The following ZBTB7C variants were observed in gnomAD, a reference collection of about 807,000 sequenced individuals.
The protein encoded by ZBTB7C is zinc finger and BTB domain containing 7C, also known as zinc finger and BTB domain-containing protein 7C.
In ZBTB7C, 8 loss-of-function variants were observed where a neutral mutation model predicts 25.7. That is an observed-to-expected ratio of 0.31 (90% CI 0.18 to 0.56). ZBTB7C has a LOEUF of 0.56. Among genes scored for constraint, ZBTB7C ranks in the 20% least tolerant of loss-of-function variants. ZBTB7C has a pLI of 0.91. For synonymous variants in ZBTB7C, 394 were observed against 369.0 expected (o/e 1.07, Z -0.78); for missense variants, 824 against 855.2 (o/e 0.96, Z 0.46).
chr18:48,391,943 A>C (rs2047912373), intron 1 of ZBTB7C, among the ~76,000 whole-genome samples: 1 of 152,246 alleles, frequency 6.6e-6, no homozygotes, highest in Admixed American at 6.5e-5. Context: ...ACAGCTTTTC[A>C]GTTGTCCCGG....
chr18:48,375,509 C>T (rs780142788), intron 1 of ZBTB7C: 1 of 152,196 alleles, frequency 6.6e-6, no homozygotes, highest in South Asian at 2.1e-4. Context: ...AGAGAGCCTT[C>T]GGAAGGTTGC....
intron 1 of ZBTB7C, among the ~76,000 whole-genome samples, chr18:48,369,129 A>G (rs2047325344): frequency 6.6e-6 from 1 of 152,226 alleles, no homozygotes; most frequent in Non-Finnish European, 1.5e-5. Flanking sequence ...TATGTAGAAC[A>G]AACATTTAAG....
chr18:48,241,321 T>C (rs867797433), intron 2 of ZBTB7C, among the ~76,000 whole-genome samples: 3 of 152,132 alleles, frequency 2.0e-5, no homozygotes, highest in Non-Finnish European at 2.9e-5. Context: ...AAAGAAACAA[T>C]GGACTTTAAC....
intron 3 of ZBTB7C, among the ~76,000 whole-genome samples, chr18:48,050,385 T>C (rs1197493725): frequency 6.6e-6 from 1 of 152,184 alleles, no homozygotes; most frequent in Admixed American, 6.5e-5. Context: ...TTTTAGCCTG[T>C]GCCCTGCCCG....
At chr18:48,088,638 G>A (rs1173760549) in intron 3 of ZBTB7C, among the ~76,000 whole-genome samples, 1 of 149,420 alleles carries the variant, frequency 6.7e-6, no homozygotes, top group Non-Finnish European at 1.5e-5. Flanking sequence ...GACCAGCCTG[G>A]CCAACATGGT....
chr18:48,380,564 TCATCTGA>T (rs2047613374), intron 1 of ZBTB7C, among the ~76,000 whole-genome samples: 1 of 152,170 alleles, frequency 6.6e-6, no homozygotes, highest in Non-Finnish European at 1.5e-5. Flanking sequence ...CCATGCTCTG[TCATCTGA>T]GGGGGCCTAG....
At chr18:48,186,720 G>A (rs998123859) in intron 2 of ZBTB7C, among the ~76,000 whole-genome samples, 1 of 151,958 alleles carries the variant, frequency 6.6e-6, no homozygotes, top group Non-Finnish European at 1.5e-5. Context: ...GATGCTTCAA[G>A]ACAGGATGCC....
chr18:48,360,666 G>A (rs537952730), intron 1 of ZBTB7C, among the ~76,000 whole-genome samples: 2 of 152,146 alleles, frequency 1.3e-5, no homozygotes, highest in African/African-American at 4.8e-5. Context: ...ACTGAGGGGA[G>A]CCTGCAGGTT....
intron 2 of ZBTB7C, among the ~76,000 whole-genome samples, chr18:48,199,269 T>C (rs1479860096): frequency 1.3e-5 from 2 of 152,246 alleles, no homozygotes; most frequent in Non-Finnish European, 2.9e-5. Flanking sequence ...TCTGATACTT[T>C]CCTCTCCTCG....
chr18:48,098,059 G>T (rs1268196163), intron 3 of ZBTB7C, among the ~76,000 whole-genome samples: 1 of 152,070 alleles, frequency 6.6e-6, no homozygotes, highest in Non-Finnish European at 1.5e-5. Flanking sequence ...AAATCTATTG[G>T]CAAAAACAAA....
chr18:48,082,690 C>T (rs1452034278), intron 3 of ZBTB7C, among the ~76,000 whole-genome samples: 4 of 149,412 alleles, frequency 2.7e-5, no homozygotes, highest in Admixed American at 6.6e-5. Context: ...CTCCCGTGCG[C>T]TGGGCATGAG....
intron 3 of ZBTB7C, among the ~76,000 whole-genome samples, chr18:48,130,421 A>G (rs2039951668): frequency 6.6e-6 from 1 of 152,182 alleles, no homozygotes; most frequent in African/African-American, 2.4e-5. Flanking sequence ...CAATCCTACC[A>G]TATCACAGTT....
chr18:48,291,898 T>C (rs2045240483), intron 2 of ZBTB7C, among the ~76,000 whole-genome samples: 1 of 152,150 alleles, frequency 6.6e-6, no homozygotes, highest in Non-Finnish European at 1.5e-5. Flanking sequence ...ACTCAGCCTC[T>C]TAAAAATTGC....
intron 3 of ZBTB7C, among the ~76,000 whole-genome samples, chr18:48,082,122 G>A (rs921386463): frequency 6.6e-6 from 1 of 152,126 alleles, no homozygotes; most frequent in Non-Finnish European, 1.5e-5. Flanking sequence ...TGGGGACTTG[G>A]GGGTGTTCCA....
At chr18:48,183,706 T>TTCACTCA (rs2041985758) in intron 3 of ZBTB7C, among the ~76,000 whole-genome samples, 1 of 152,160 alleles carries the variant, frequency 6.6e-6, no homozygotes, top group Non-Finnish European at 1.5e-5. Context: ...GTACACAGCT[T>TTCACTCA]TCACTCATGA....
chr18:48,089,862 C>G (rs1203114785), intron 3 of ZBTB7C, among the ~76,000 whole-genome samples: 2 of 152,206 alleles, frequency 1.3e-5, no homozygotes, highest in Non-Finnish European at 2.9e-5. Context: ...TGGGGTCAGG[C>G]CTGGCTATGG....
chr18:48,238,544 T>C (rs181078646), intron 2 of ZBTB7C, among the ~76,000 whole-genome samples: 2 of 152,138 alleles, frequency 1.3e-5, no homozygotes, highest in Admixed American at 1.3e-4. Context: ...GGAGAAGGAG[T>C]TAACCTTACC....
chr18:48,365,122 T>C (rs561968750), intron 1 of ZBTB7C, among the ~76,000 whole-genome samples: 3 of 152,380 alleles, frequency 2.0e-5, no homozygotes, highest in Non-Finnish European at 4.4e-5. Context: ...TGTGTAGTAG[T>C]CCATCATTTG....
At chr18:48,384,655 C>T (rs1023275264) in intron 1 of ZBTB7C, among the ~76,000 whole-genome samples, 4 of 152,022 alleles carry the variant, frequency 2.6e-5, no homozygotes, top group Non-Finnish European at 5.9e-5. Flanking sequence ...AGCTTATCAG[C>T]TATCATTAGT....
Sources: allele counts gnomAD v4.1 joint callset (sites outside exome capture counted in the v4.1 genomes callset), GRCh38; gene constraint gnomAD v4.1.1; transcripts MANE v1.5; gene names NCBI Gene and HGNC (gene_info 2026-07-23, HGNC 2026-07-21).